The following CCSER2 variants were observed in gnomAD, a reference collection of about 807,000 sequenced individuals.
The protein encoded by CCSER2 is coiled-coil serine rich protein 2.
Under a neutral mutation model 92.3 loss-of-function variants are expected in CCSER2, and 46 were observed. That is an observed-to-expected ratio of 0.50 (90% confidence interval 0.39 to 0.64). The LOEUF is 0.64. Ranked by LOEUF, CCSER2 falls within the 30% of genes least tolerant of loss-of-function variation. The pLI is 0.00. For missense variants in CCSER2, 1,244 were observed against 1,238.9 expected, an observed-to-expected ratio of 1.00 and a Z score of -0.06; for synonymous variants, 433 against 431.4, an observed-to-expected ratio of 1.00 and a Z score of -0.04.
intron 1 of CCSER2, among the ~76,000 whole-genome samples, chr10:84,360,609 ATGTCT>A: frequency 6.6e-6 from 1 of 152,294 alleles, no homozygotes; most frequent in African/African-American, 2.4e-5. Flanking sequence ...CAAGTTGCCA[ATGTCT>A]CAGTCAACCC....
chr10:84,476,395 T>C (rs1038569835), intron 8 of CCSER2, among the ~76,000 whole-genome samples: 1 of 150,620 alleles, frequency 6.6e-6, no homozygotes, highest in Admixed American at 6.6e-5. Context: ...ACAAATAATG[T>C]GGTTATTTTC....
chr10:84,507,638 A>G (rs140132901), intron 9 of CCSER2, among the ~76,000 whole-genome samples: 21 of 152,306 alleles, frequency 1.4e-4, no homozygotes, highest in African/African-American at 5.1e-4. Context: ...TCAGGACTTG[A>G]CATTTTAGCT....
chr10:84,497,275 G>A (rs1216644312), intron 9 of CCSER2, among the ~76,000 whole-genome samples: 2 of 152,214 alleles, frequency 1.3e-5, no homozygotes, highest in African/African-American at 4.8e-5. Flanking sequence ...TTTGACAGAT[G>A]GGTAGAGAAG....
At chr10:84,460,056 C>T (rs1293067255) in intron 6 of CCSER2, among the ~76,000 whole-genome samples, 1 of 145,520 alleles carries the variant, frequency 6.9e-6, no homozygotes, top group Non-Finnish European at 1.5e-5. Context: ...GTGTATTTCC[C>T]TTTTTACATA....
intron 7 of CCSER2, among the ~76,000 whole-genome samples, chr10:84,469,736 C>A (rs1589752176): frequency 6.6e-6 from 1 of 152,094 alleles, no homozygotes; most frequent in Admixed American, 6.5e-5. Flanking sequence ...CAGTAGGTTT[C>A]CATTTAATAG....
chr10:84,446,392 T>C (rs1844917852), intron 6 of CCSER2, among the ~76,000 whole-genome samples: 1 of 152,204 alleles, frequency 6.6e-6, no homozygotes, highest in Non-Finnish European at 1.5e-5. Flanking sequence ...TTCCCTCACA[T>C]AATTCTCCGA....
At chr10:84,348,053 C>T (rs1186784131) in intron 1 of CCSER2, among the ~76,000 whole-genome samples, 3 of 152,134 alleles carry the variant, frequency 2.0e-5, no homozygotes, top group Non-Finnish European at 4.4e-5. Flanking sequence ...GATGGGGTGG[C>T]GGCCGGGCAG....
At chr10:84,448,131 C>CA (rs1316375728) in intron 6 of CCSER2, among the ~76,000 whole-genome samples, 1 of 152,080 alleles carries the variant, frequency 6.6e-6, no homozygotes, top group East Asian at 1.9e-4. Context: ...CTTGGCCTGA[C>CA]ACTGCACATC....
At chr10:84,499,936 C>G in intron 9 of CCSER2, 4 of 1,613,924 alleles carry the variant, frequency 2.5e-6, no homozygotes, top group Non-Finnish European at 3.4e-6. Context: ...ATCCCACGGA[C>G]TGTTCCACCG....
At chr10:84,423,171 T>A (rs962664513) in intron 4 of CCSER2, among the ~76,000 whole-genome samples, 3 of 152,236 alleles carry the variant, frequency 2.0e-5, no homozygotes, top group Admixed American at 6.5e-5. Context: ...CTTTAATCTT[T>A]TCTAAGAAAC....
chr10:84,465,568 C>T (rs1449076804), intron 7 of CCSER2, among the ~76,000 whole-genome samples: 2 of 151,638 alleles, frequency 1.3e-5, no homozygotes, highest in Non-Finnish European at 2.9e-5. Flanking sequence ...TCAGGTAATC[C>T]ACCCACCTCG....
At chr10:84,395,372 T>C (rs373303819) in intron 3 of CCSER2, among the ~76,000 whole-genome samples, 2 of 152,180 alleles carry the variant, frequency 1.3e-5, no homozygotes, top group South Asian at 2.1e-4. Context: ...AAAATTGTTA[T>C]AGTTAATGAG....
At chr10:84,389,242 G>C in intron 3 of CCSER2, 1 of 473,140 alleles carries the variant, frequency 2.1e-6, no homozygotes, top group South Asian at 1.6e-5. Flanking sequence ...CAGCATTGCA[G>C]CCCACAGACT....
At chr10:84,338,379 G>C (rs1400589142) in intron 1 of CCSER2, among the ~76,000 whole-genome samples, 2 of 149,928 alleles carry the variant, frequency 1.3e-5, no homozygotes, top group Admixed American at 1.3e-4. Flanking sequence ...CTTCTTTTGT[G>C]ACTCAGCTTC....
chr10:84,496,257 G>A (rs1048467854), intron 9 of CCSER2, among the ~76,000 whole-genome samples: 4 of 152,114 alleles, frequency 2.6e-5, no homozygotes, highest in African/African-American at 4.8e-5. Context: ...AGCCATACAA[G>A]GGTGGAGGCC....
chr10:84,438,254 G>A (rs1175118337), intron 5 of CCSER2, among the ~76,000 whole-genome samples: 2 of 152,060 alleles, frequency 1.3e-5, no homozygotes, highest in East Asian at 1.9e-4. Flanking sequence ...TTTCTATTCC[G>A]GTGCCTAAAG....
chr10:84,449,313 T>G (rs1467582390), intron 6 of CCSER2, among the ~76,000 whole-genome samples: 3 of 152,110 alleles, frequency 2.0e-5, no homozygotes, highest in Non-Finnish European at 4.4e-5. Context: ...AGGCAGAGGT[T>G]GCAGCGAGCT....
intron 3 of CCSER2, among the ~76,000 whole-genome samples, chr10:84,398,509 G>A (rs1186603133): frequency 6.6e-6 from 1 of 152,048 alleles, no homozygotes; most frequent in South Asian, 2.1e-4. Flanking sequence ...ATGGAGACAC[G>A]CCAAAATGAA....
intron 3 of CCSER2, among the ~76,000 whole-genome samples, chr10:84,409,077 A>T (rs915243750): frequency 2.0e-5 from 3 of 151,586 alleles, no homozygotes; most frequent in African/African-American, 7.3e-5. Flanking sequence ...TGCAACCTCC[A>T]CCTCCCGGGT....
Sources: gnomAD v4.1 joint callset for allele counts (sites outside exome capture counted in the v4.1 genomes callset) on GRCh38, gnomAD v4.1.1 for gene constraint, MANE v1.5 for transcripts, NCBI Gene and HGNC (gene_info 2026-07-23, HGNC 2026-07-21) for gene names.